The following PAM variants were observed in gnomAD, a reference collection of about 807,000 sequenced individuals.
The protein encoded by PAM is peptidyl-glycine alpha-amidating monooxygenase.
Under a neutral mutation model 122.1 loss-of-function variants are expected in PAM, and 72 were observed. The observed-to-expected ratio is 0.59, with a 90% CI of 0.49 to 0.72. The LOEUF (loss-of-function observed/expected upper bound fraction) is 0.72. PAM is among the 30% of genes least tolerant of loss of function. The pLI, the probability that PAM is intolerant of heterozygous loss-of-function variation, is 0.00. For missense variants in PAM, 1,106 were observed against 1,183.7 expected, an observed-to-expected ratio of 0.93 and a Z score of 0.96; for synonymous variants, 389 against 404.4, an observed-to-expected ratio of 0.96 and a Z score of 0.46.
At chr5:102,781,190 A>G (rs1242799182) in intron 1 of PAM, among the ~76,000 whole-genome samples, 1 of 152,178 alleles carries the variant, frequency 6.6e-6, no homozygotes, top group African/African-American at 2.4e-5. Flanking sequence ...GCCAGTAAGA[A>G]AAGCTTTTAA....
chr5:103,024,057 G>C (rs1391808464), intron 23 of PAM, among the ~76,000 whole-genome samples: 1 of 152,060 alleles, frequency 6.6e-6, no homozygotes, highest in African/African-American at 2.4e-5. Flanking sequence ...AAATCTTCTT[G>C]AGGCTTTACA....
chr5:102,790,749 CATA>C (rs1266365408), intron 1 of PAM, among the ~76,000 whole-genome samples: 2 of 152,006 alleles, frequency 1.3e-5, no homozygotes, highest in African/African-American at 4.8e-5. Flanking sequence ...TAAGAAGTCA[CATA>C]ATTTTATTTT....
chr5:102,880,329 A>G (rs1274753750), intron 3 of PAM, among the ~76,000 whole-genome samples: 1 of 152,182 alleles, frequency 6.6e-6, no homozygotes, highest in African/African-American at 2.4e-5. Context: ...CATAGTAAAT[A>G]TAATCTAACA....
At chr5:102,942,070 C>A (rs927019390) in intron 7 of PAM, among the ~76,000 whole-genome samples, 2 of 151,930 alleles carry the variant, frequency 1.3e-5, no homozygotes, top group African/African-American at 2.4e-5. Flanking sequence ...ATAGAAATAT[C>A]TTTTTAAAAA....
Position 102,854,749 on chromosome 5 carries a change from C to CA in PAM, c.-373-11073dup, listed in dbSNP as rs1215829282. 9.9e-4 allele frequency among the ~76,000 whole-genome samples: 151 copies of CA among 152,302 alleles called. 1 individual carries two copies. The highest frequency in any genetic ancestry group is 9.9e-3 in the Admixed American group (151 of 15,288). ...TTCCTAAGCTCAAGACAGCAAGAAA[C>CA]AGTTTAATAGCAATGAAATAAACTC... On this transcript the variant is annotated intron_variant, in intron 1 of 25. Transcript: ENST00000438793.
At chr5:102,952,335 C>G (rs903763592) in intron 12 of PAM, among the ~76,000 whole-genome samples, 2 of 152,102 alleles carry the variant, frequency 1.3e-5, no homozygotes, top group African/African-American at 4.8e-5. Context: ...AAAGTGATCT[C>G]TGGAGGCCTC....
chr5:102,878,190 G>A (rs1365395573), intron 3 of PAM, among the ~76,000 whole-genome samples: 3 of 151,964 alleles, frequency 2.0e-5, no homozygotes, highest in Non-Finnish European at 2.9e-5. Flanking sequence ...GAATATTTCA[G>A]TCAATAGAAT....
At chr5:102,821,886 T>C (rs1421531101) in intron 1 of PAM, among the ~76,000 whole-genome samples, 1 of 152,192 alleles carries the variant, frequency 6.6e-6, no homozygotes, top group Non-Finnish European at 1.5e-5. Context: ...CTGCTGCATA[T>C]TTCTGGTCAC....
intron 3 of PAM, among the ~76,000 whole-genome samples, chr5:102,882,654 T>C (rs1187277419): frequency 1.3e-5 from 2 of 152,154 alleles, no homozygotes; most frequent in Non-Finnish European, 2.9e-5. Flanking sequence ...GAAGATTTTC[T>C]CCCACCCTGT....
At chr5:102,940,396 C>T (rs139173946) in intron 7 of PAM, among the ~76,000 whole-genome samples, 66 of 149,030 alleles carry the variant, frequency 4.4e-4, no homozygotes, top group African/African-American at 1.3e-3. Context: ...ATTGGGACAA[C>T]GCAAAAGGAA....
intron 4 of PAM, among the ~76,000 whole-genome samples, chr5:102,902,574 TGTA>T (rs1467175919): frequency 4.6e-5 from 7 of 151,600 alleles, no homozygotes; most frequent in African/African-American, 1.7e-4. Context: ...AGTTTCTAAT[TGTA>T]GTGCTTTGAG....
At chr5:102,974,505 G>A (rs1766967227) in intron 15 of PAM, 69 bp downstream of exon 15, 5 of 1,012,448 alleles carry the variant, frequency 4.9e-6, no homozygotes, top group Non-Finnish European at 5.9e-6. Flanking sequence ...AAACCTGAAG[G>A]GAATAAGAAT....
At chr5:102,772,903 A>G (rs1330525479) in intron 1 of PAM, among the ~76,000 whole-genome samples, 1 of 152,138 alleles carries the variant, frequency 6.6e-6, no homozygotes, top group East Asian at 1.9e-4. Flanking sequence ...CTGGAGTTTC[A>G]TATGATTCAA....
intron 1 of PAM, among the ~76,000 whole-genome samples, chr5:102,767,203 A>AT (rs1205255872): frequency 2.6e-5 from 4 of 151,000 alleles, no homozygotes; most frequent in African/African-American, 9.7e-5. Context: ...TATTATATAC[A>AT]TTTTTTCTCA....
chr5:102,782,703 TTC>T (rs370769198), intron 1 of PAM, among the ~76,000 whole-genome samples: 2,409 of 142,688 alleles, frequency 0.017, 60 homozygotes, highest in African/African-American at 0.058. Context: ...CTTTCTCCAT[TTC>T]TCTCTCTCTC....
chr5:102,959,873 A>T lies in PAM; in HGVS notation c.906-2A>T. The T allele has an allele frequency of 6.2e-7, 1 of 1,602,250 alleles. No homozygotes were observed. ...TTTGTTATATCTTTTTTTTGCCTGC[A>T]GTGGCACGTCTAGTGATGAAATGTG... On this transcript the variant is annotated splice_acceptor_variant, in intron 12 of 25. Coordinates refer to ENST00000438793, the MANE Select transcript of PAM (RefSeq NM_001177306.2). LOFTEE classifies it high-confidence loss of function.
chr5:102,932,666 A>T (rs191588279), intron 7 of PAM, among the ~76,000 whole-genome samples: 106 of 149,738 alleles, frequency 7.1e-4, no homozygotes, highest in Non-Finnish European at 5.5e-4. Context: ...TATATATATA[A>T]AAAATAAAAA....
chr5:102,968,031 G>A (rs1347300913), intron 14 of PAM, among the ~76,000 whole-genome samples: 1 of 152,016 alleles, frequency 6.6e-6, no homozygotes, highest in Non-Finnish European at 1.5e-5. Context: ...CCAAAAACTA[G>A]TCATTTTTTA....
At chr5:102,797,841 CCTACTA>C (rs926263312) in intron 1 of PAM, among the ~76,000 whole-genome samples, 2 of 151,932 alleles carry the variant, frequency 1.3e-5, no homozygotes, top group African/African-American at 4.8e-5. Context: ...GGCCATTGTT[CCTACTA>C]CTACTACTAC....
Sources: gnomAD v4.1 joint callset for allele counts (sites outside exome capture counted in the v4.1 genomes callset) on GRCh38, gnomAD v4.1.1 for gene constraint, MANE v1.5 for transcripts, NCBI Gene and HGNC (gene_info 2026-07-23, HGNC 2026-07-21) for gene names.